The following ERAP1 variants were observed in gnomAD, a reference collection of about 807,000 sequenced individuals.
ERAP1 encodes adipocyte-derived leucine aminopeptidase.
In ERAP1, 86 loss-of-function variants were observed where a neutral mutation model predicts 103.7. The observed-to-expected ratio is 0.83, with a 90% CI of 0.70 to 0.99. The LOEUF is 0.99. ERAP1 is among the 50% of genes least tolerant of loss of function. The pLI is 0.00. For synonymous variants in ERAP1, 398 were observed against 402.4 expected, an observed-to-expected ratio of 0.99 and a Z score of 0.13; for missense variants, 1,009 against 1,128.4, an observed-to-expected ratio of 0.89 and a Z score of 1.52.
At chr5:96,931,707 G>C in the ERAP1 span, among the ~76,000 whole-genome samples, 17 of 152,204 alleles carry the variant, frequency 1.1e-4, no homozygotes, top group Admixed American at 1.1e-3. Flanking sequence ...GAATTTCTGA[G>C]AAGGGTTTCC....
chr5:96,923,397 A>C, the ERAP1 span, among the ~76,000 whole-genome samples: 1 of 152,174 alleles, frequency 6.6e-6, no homozygotes. Context: ...CGTGCTGTCT[A>C]AAAAAAGAAA....
the ERAP1 span, among the ~76,000 whole-genome samples, chr5:96,852,203 G>C: frequency 6.6e-6 from 1 of 152,002 alleles, no homozygotes; most frequent in Non-Finnish European, 1.5e-5. Context: ...AAATGTTTTG[G>C]CCTTATATAC....
intron 19 of ERAP1, chr5:96,768,112 CT>C: frequency 1.3e-6 from 1 of 761,486 alleles, no homozygotes; most frequent in Non-Finnish European, 2.3e-6. Flanking sequence ...GTAACAGGGT[CT>C]TACTCTATAG....
the ERAP1 span, among the ~76,000 whole-genome samples, chr5:96,908,767 A>G: frequency 6.6e-6 from 1 of 152,226 alleles, no homozygotes; most frequent in East Asian, 1.9e-4. Context: ...AAAGAAGGCA[A>G]TAGGTCCAGA....
At chr5:96,848,088 G>A in the ERAP1 span, among the ~76,000 whole-genome samples, 1 of 151,970 alleles carries the variant, frequency 6.6e-6, no homozygotes, top group East Asian at 1.9e-4. Context: ...TTACTCTTTT[G>A]CCCAGGCTGG....
the ERAP1 span, among the ~76,000 whole-genome samples, chr5:96,839,867 C>T: frequency 2.6e-5 from 4 of 152,218 alleles, no homozygotes; most frequent in South Asian, 4.1e-4. Context: ...CCCCAAATCT[C>T]CTGACCTCAT....
At chr5:96,763,697 T>C (rs1279312274) in intron 19 of ERAP1, among the ~76,000 whole-genome samples, 1 of 152,202 alleles carries the variant, frequency 6.6e-6, no homozygotes, top group African/African-American at 2.4e-5. Flanking sequence ...AAATAAACCA[T>C]GATAATTCAC....
At chr5:96,795,818 A>T (rs574360480) in intron 4 of ERAP1, among the ~76,000 whole-genome samples, 31 of 152,360 alleles carry the variant, frequency 2.0e-4, no homozygotes, top group African/African-American at 7.2e-4. Flanking sequence ...AATTCATAAT[A>T]CAAACAAGGA....
the ERAP1 span, chr5:96,881,289 A>C: frequency 2.5e-6 from 1 of 403,328 alleles, no homozygotes; most frequent in Non-Finnish European, 5.0e-6. Flanking sequence ...TCAGGTAAGA[A>C]GTGATGCTAA....
At chr5:96,837,579 A>G in the ERAP1 span, among the ~76,000 whole-genome samples, 1 of 152,166 alleles carries the variant, frequency 6.6e-6, no homozygotes, top group Non-Finnish European at 1.5e-5. Flanking sequence ...CCAGGAGCAA[A>G]ACTCTGTAGG....
At chr5:96,891,367 A>ATG in the ERAP1 span, among the ~76,000 whole-genome samples, 5 of 146,044 alleles carry the variant, frequency 3.4e-5, no homozygotes, top group Admixed American at 6.8e-5. Flanking sequence ...GTATATATAT[A>ATG]TGTGTATATA....
the ERAP1 span, among the ~76,000 whole-genome samples, chr5:96,822,352 G>A: frequency 6.6e-6 from 1 of 152,158 alleles, no homozygotes; most frequent in African/African-American, 2.4e-5. Context: ...GCCAGAGTTT[G>A]GCAAGAGATT....
At chr5:96,881,987 G>A in the ERAP1 span, among the ~76,000 whole-genome samples, 1 of 90,838 alleles carries the variant, frequency 1.1e-5, no homozygotes, top group Non-Finnish European at 2.2e-5. Flanking sequence ...ATGGGTATCA[G>A]GAAGTGACTA....
the ERAP1 span, among the ~76,000 whole-genome samples, chr5:96,837,112 T>C: frequency 6.6e-6 from 1 of 152,220 alleles, no homozygotes; most frequent in East Asian, 1.9e-4. Flanking sequence ...AACATGTTCA[T>C]CTTTTTAGTG....
exon 20 of ERAP1, chr5:96,762,261 T>A (rs772755063): frequency 1.3e-6 from 2 of 1,586,140 alleles, no homozygotes; most frequent in Non-Finnish European, 1.7e-6. Flanking sequence ...AATAAAATTT[T>A]TTTCAATAAA....
chr5:96,824,099 T>C, the ERAP1 span, among the ~76,000 whole-genome samples: 5 of 152,238 alleles, frequency 3.3e-5, no homozygotes, highest in South Asian at 2.1e-4. Context: ...TGATGCATAA[T>C]TGAAACCTTG....
chr5:96,798,010 G>A (rs544960370), intron 3 of ERAP1, among the ~76,000 whole-genome samples: 33 of 152,200 alleles, frequency 2.2e-4, no homozygotes, highest in East Asian at 1.4e-3. Context: ...ACCTAAAAGA[G>A]CTTCTGTTCT....
chr5:96,931,796 G>A, the ERAP1 span, among the ~76,000 whole-genome samples: 1 of 152,320 alleles, frequency 6.6e-6, no homozygotes, highest in South Asian at 2.1e-4. Context: ...CCATATGGTA[G>A]TCTGGGCTTT....
At chr5:96,767,866 T>C in intron 19 of ERAP1, 1 of 1,348,752 alleles carries the variant, frequency 7.4e-7, no homozygotes, top group Non-Finnish European at 1.1e-6. Flanking sequence ...GCATTTTGCC[T>C]TCTGCTTCTT....
Sources: allele counts gnomAD v4.1 joint callset (sites outside exome capture counted in the v4.1 genomes callset), GRCh38; gene constraint gnomAD v4.1.1; transcripts MANE v1.5; gene names NCBI Gene and HGNC (gene_info 2026-07-23, HGNC 2026-07-21).